The following TCF20 variants were observed in gnomAD, a reference collection of about 807,000 sequenced individuals.
TCF20 encodes SPRE-binding protein.
A neutral mutation model predicts 148.6 loss-of-function variants in TCF20; 3 were observed. That is an observed-to-expected ratio of 0.02 (90% CI 0.01 to 0.05). The LOEUF is 0.05. TCF20 is among the 10% of genes least tolerant of loss of function. The pLI is 1.00. For synonymous variants in TCF20, 1,049 were observed against 909.5 expected, an observed-to-expected ratio of 1.15 and a Z score of -2.76; for missense variants, 2,350 against 2,429.3, an observed-to-expected ratio of 0.97 and a Z score of 0.69.
intron 2 of TCF20, among the ~76,000 whole-genome samples, chr22:42,187,762 CTTT>C (rs1237449415): frequency 6.6e-6 from 1 of 152,170 alleles, no homozygotes; most frequent in Non-Finnish European, 1.5e-5. Flanking sequence ...GAATGTCCTT[CTTT>C]GTCTTTCTGT....
chr22:42,233,062 A>C (rs1478549632), intron 1 of TCF20, among the ~76,000 whole-genome samples: 1 of 152,054 alleles, frequency 6.6e-6, no homozygotes, highest in Non-Finnish European at 1.5e-5. Context: ...CTGAGATTAC[A>C]GGCTTGTGCC....
At position 42,214,814 on chromosome 22, in the gene TCF20, A is replaced by T; in HGVS notation, c.492T>A (p.Ser164Arg). 2 of 1,613,920 alleles carry T rather than the reference A, an allele frequency of 1.2e-6. No individual in the cohort carries two copies. The highest frequency in any genetic ancestry group is 1.7e-6 in the Non-Finnish European group (2 of 1,179,998). Residue 164 changes from serine to arginine, a missense_variant, in exon 2 of 6, where the codon AGT becomes AGA. This residue lies in a region of TCF20 where 1,641 missense variants were observed against 1,662.6 expected (regional missense o/e 0.99). Coordinates refer to ENST00000677622, the MANE Select transcript of TCF20 (RefSeq NM_001378418.1). ...TGGAAGCCTGCTGTTGGTACTGAGC[A>T]CTCCCTGGAGAGAAAGGCCCAGTGT... ...QDYTGPFSPG[S>R]AQYQQQASSQ...
chr22:42,249,861 G>A (rs1925220787), intron 1 of TCF20, among the ~76,000 whole-genome samples: 1 of 152,100 alleles, frequency 6.6e-6, no homozygotes, highest in African/African-American at 2.4e-5. Context: ...GAGACTTTTG[G>A]AGAGTTCTAA....
chr22:42,334,952 C>A (rs946908414), intron 1 of TCF20, among the ~76,000 whole-genome samples: 3 of 152,116 alleles, frequency 2.0e-5, no homozygotes, highest in African/African-American at 7.2e-5. Context: ...AACCAGGACC[C>A]AAGACTCCAC....
At chr22:42,226,765 A>T (rs1007319567) in intron 1 of TCF20, among the ~76,000 whole-genome samples, 1 of 152,186 alleles carries the variant, frequency 6.6e-6, no homozygotes, top group African/African-American at 2.4e-5. Context: ...AATTCAAAAG[A>T]TATCAATGAC....
intron 1 of TCF20, among the ~76,000 whole-genome samples, chr22:42,306,419 C>T (rs1927435218): frequency 6.6e-6 from 1 of 152,188 alleles, no homozygotes; most frequent in African/African-American, 2.4e-5. Context: ...CTAGGGGACC[C>T]CCAGGCTCAG....
At chr22:42,173,291 C>T (rs962919535) in intron 3 of TCF20, among the ~76,000 whole-genome samples, 6 of 151,684 alleles carry the variant, frequency 4.0e-5, no homozygotes, top group African/African-American at 4.8e-5. Context: ...GTAACCCCCC[C>T]CACCTGGAGC....
chr22:42,240,705 C>T (rs1442006931), intron 1 of TCF20, among the ~76,000 whole-genome samples: 1 of 152,136 alleles, frequency 6.6e-6, no homozygotes, highest in Non-Finnish European at 1.5e-5. Context: ...TAACTCATAA[C>T]TCAGTAACGC....
intron 1 of TCF20, among the ~76,000 whole-genome samples, chr22:42,342,274 G>A (rs1928181206): frequency 6.6e-6 from 1 of 152,166 alleles, no homozygotes; most frequent in African/African-American, 2.4e-5. Flanking sequence ...GGCAGATGGG[G>A]AATGGGGGAG....
chr22:42,187,249 G>C (rs1265533513), intron 2 of TCF20, among the ~76,000 whole-genome samples: 1 of 152,132 alleles, frequency 6.6e-6, no homozygotes, highest in Non-Finnish European at 1.5e-5. Context: ...CCAGTCATCT[G>C]CTTCCCTCCA....
chr22:42,248,270 T>A (rs1386954930), intron 1 of TCF20, among the ~76,000 whole-genome samples: 1 of 152,188 alleles, frequency 6.6e-6, no homozygotes, highest in African/African-American at 2.4e-5. Flanking sequence ...AAAGTATACA[T>A]TTTACACTAA....
upstream of TCF20, among the ~76,000 whole-genome samples, chr22:42,287,201 G>A (rs1454533611): frequency 6.6e-6 from 1 of 152,170 alleles, no homozygotes; most frequent in Non-Finnish European, 1.5e-5. Flanking sequence ...TGGGAGCACA[G>A]GTTTTTGGGA....
chr22:42,211,760 C>A lies in TCF20; in HGVS notation c.3546G>T (p.Gln1182His). The A allele has an allele frequency of 6.2e-7, 1 of 1,614,222 alleles. No individual in the cohort carries two copies. Among genetic ancestry groups the A allele is most frequent in the Admixed American group, 1.7e-5 (1 of 60,032 alleles). ...NKGMELKHGS[Q>H]KLQESCWDLS... ...GATCCCAACAGGATTCTTGTAACTT[C>A]TGGGAGCCATGCTTTAATTCCATGC... The change falls in exon 2 of 6, where the codon CAG becomes CAT. Residue 1182 changes from glutamine to histidine, a missense_variant. Around this residue, in one of 7 missense-constraint regions of TCF20, gnomAD observed 1,641 missense variants for 1,662.6 expected, o/e 0.99. Coordinates refer to ENST00000677622, the MANE Select transcript of TCF20 (RefSeq NM_001378418.1).
intron 1 of TCF20, among the ~76,000 whole-genome samples, chr22:42,331,128 G>A (rs1053502106): frequency 4.6e-5 from 7 of 152,218 alleles, no homozygotes; most frequent in African/African-American, 7.2e-5. Context: ...GACAAACTGT[G>A]TTCAAGCTTC....
chr22:42,213,217 C>T lies in TCF20; in HGVS notation c.2089G>A (p.Glu697Lys). ...AAGPGFTSRT[E>K]PSKSPGSLRY... ...AGACTTCCAGGAGATTTGCTAGGCT[C>T]AGTTCTGCTCGTAAAACCAGGGCCC... The change falls in exon 2 of 6, where the codon GAG (glutamate) becomes AAG (lysine). Residue 697 changes from glutamate to lysine, a missense_variant. By Grantham distance (56) the Glu-to-Lys change is moderately conservative (BLOSUM62 1). Coordinates refer to ENST00000677622, the MANE Select transcript of TCF20 (RefSeq NM_001378418.1). 6.2e-7 allele frequency: 1 copy of T among 1,614,194 alleles called. No homozygotes were observed. The highest frequency in any genetic ancestry group is 8.5e-7 in the Non-Finnish European group (1 of 1,180,040).
chr22:42,285,519 C>CG (rs1220221182), upstream of TCF20, among the ~76,000 whole-genome samples: 3 of 152,114 alleles, frequency 2.0e-5, no homozygotes, highest in African/African-American at 7.2e-5. The surrounding 1 kb of genome is among the most constrained non-coding windows in gnomAD (Gnocchi z 4.2). Flanking sequence ...GGAGGCATTC[C>CG]GCAGCCCTTC....
At chr22:42,254,858 T>G (rs1925636337) in intron 1 of TCF20, among the ~76,000 whole-genome samples, 1 of 145,558 alleles carries the variant, frequency 6.9e-6, no homozygotes, top group Non-Finnish European at 1.5e-5. Context: ...CCAAATACTC[T>G]GGAGGCTGAG....
chr22:42,223,695 G>T (rs974892047), intron 1 of TCF20, among the ~76,000 whole-genome samples: 1 of 152,140 alleles, frequency 6.6e-6, no homozygotes, highest in Non-Finnish European at 1.5e-5. Context: ...TTTTAGAAAG[G>T]AATCTTGAGG....
intron 3 of TCF20, among the ~76,000 whole-genome samples, chr22:42,176,523 T>G (rs905728222): frequency 3.3e-5 from 5 of 152,144 alleles, no homozygotes; most frequent in African/African-American, 1.2e-4. Flanking sequence ...CCGCCTCCTA[T>G]GGACAGCGTG....
Sources: allele counts gnomAD v4.1 joint callset (sites outside exome capture counted in the v4.1 genomes callset), GRCh38; gene constraint gnomAD v4.1.1; regional missense constraint gnomAD v4.1.1; non-coding constraint Gnocchi (gnomAD v3.1); transcripts MANE v1.5; gene names NCBI Gene and HGNC (gene_info 2026-07-23, HGNC 2026-07-21).